Variants in PRDM7 observed in about 807,000 individuals in gnomAD.
The protein encoded by PRDM7 is PR/SET domain 7.
Under a neutral mutation model 64.3 loss-of-function variants are expected in PRDM7, and 52 were observed. The observed-to-expected ratio is 0.81, with a 90% CI of 0.65 to 1.02. The LOEUF (loss-of-function observed/expected upper bound fraction) is 1.02, where lower values mean the gene tolerates loss of function less well. PRDM7 is among the 50% of genes least tolerant of loss of function. The pLI is 0.00. For missense variants in PRDM7, 574 were observed against 597.1 expected, an observed-to-expected ratio of 0.96 and a Z score of 0.40; for synonymous variants, 192 against 210.1, an observed-to-expected ratio of 0.91 and a Z score of 0.74.
chr16:90,063,249 C>T (rs540685472), intron 6 of PRDM7, among the ~76,000 whole-genome samples: 15 of 152,172 alleles, frequency 9.9e-5, no homozygotes, highest in African/African-American at 2.9e-4. Flanking sequence ...AGTTTGAGAC[C>T]GGCCTGGTCA....
chr16:90,069,870 A>G (rs7200083), intron 4 of PRDM7: 122,889 of 151,366 alleles, frequency 0.81, 50,845 homozygotes, highest in Middle Eastern at 0.94. Flanking sequence ...CCTGGCCAAC[A>G]TGGTGAAACC....
At chr16:90,059,421 T>A (rs1366423027) in intron 10 of PRDM7, among the ~76,000 whole-genome samples, 1 of 152,264 alleles carries the variant, frequency 6.6e-6, no homozygotes, top group East Asian at 1.9e-4. Context: ...CTCCCCACCT[T>A]CATCCTGCCC....
chr16:90,066,454 A>G (rs554893192), intron 5 of PRDM7, among the ~76,000 whole-genome samples: 2 of 151,364 alleles, frequency 1.3e-5, no homozygotes, highest in South Asian at 4.1e-4. Flanking sequence ...ATGATCTTGT[A>G]AGTGCTTTAG....
In PRDM7 at chr16:90,075,085, G is replaced by A. The variant is rs1285734580; in HGVS notation, c.194-62C>T. The A allele has an allele frequency of 6.4e-7, 1 of 1,568,834 alleles. No individual in the cohort carries two copies. Among genetic ancestry groups the A allele is most frequent in the African/African-American group, 1.4e-5 (1 of 73,954 alleles). ...GAGCTGGGATGAGGAACAAAGGGCA[G>A]TGGCAATGGAAAGCACCACAAAGCC... On this transcript the variant is annotated intron_variant, in intron 3 of 10. Coordinates refer to ENST00000449207, the MANE Select transcript of PRDM7 (RefSeq NM_001098173.2). The surrounding 1 kb of genome is among the most constrained non-coding windows in gnomAD (Gnocchi z 4.3).
At position 90,063,730 on chromosome 16, in the gene PRDM7, C is replaced by G; in HGVS notation, c.390G>C (p.Leu130Phe). ...AATTTGGCGTTCCTGACAATTCTCT[C>G]AAACTAGATTCATTATTGAATGACG... Reference protein sequence around the residue: ...PKASFNNESSLRELSGTPNLL... With the variant: ...PKASFNNESSFRELSGTPNLL... Residue 130 changes from leucine to phenylalanine, a missense_variant, in exon 6 of 11, where the codon TTG becomes TTC. Coordinates refer to ENST00000449207, the MANE Select transcript of PRDM7 (RefSeq NM_001098173.2). 1 of 1,614,198 alleles carries G rather than the reference C, an allele frequency of 6.2e-7. No homozygotes were observed.
Position 90,075,508 on chromosome 16 carries a change from C to G in PRDM7, c.70-34G>C. ...AGTAACAGATTCCATCAGTGATTTA[C>G]TAATACACATCGAGCTGGTCCTTTT... On this transcript the variant is annotated intron_variant, in intron 2 of 10. Coordinates refer to ENST00000449207, the MANE Select transcript of PRDM7 (RefSeq NM_001098173.2). The surrounding 1 kb of genome is among the most constrained non-coding windows in gnomAD (Gnocchi z 4.3). 1 of 1,614,186 alleles carries G rather than the reference C, an allele frequency of 6.2e-7. No homozygotes were observed. Among genetic ancestry groups the G allele is most frequent in the Non-Finnish European group, 8.5e-7 (1 of 1,180,010 alleles).
At position 90,057,738 on chromosome 16, in the gene PRDM7, A is replaced by C; in HGVS notation, c.*551T>G. 2 of 1,265,462 alleles carry C rather than the reference A, an allele frequency of 1.6e-6. No homozygotes were observed. Among genetic ancestry groups the C allele is most frequent in the Non-Finnish European group, 2.0e-6 (2 of 976,830 alleles). 78.4% of individuals were successfully genotyped at this position (1,265,462 alleles called of 1,614,324 possible). ...CTCTCGGGGAATGTAAGGGGTTAGC[A>C]GACTTTCGCTGAAGCCACCTCAGAG... is the stretch of plus-strand genomic sequence containing the variant. On this transcript the variant is annotated 3_prime_UTR_variant, in exon 11 of 11. Coordinates refer to ENST00000449207, the MANE Select transcript of PRDM7 (RefSeq NM_001098173.2).
In PRDM7 at chr16:90,067,454, T is replaced by C. The variant is rs1030261845; in HGVS notation, c.302-544A>G. ...AACTTCATCTTTGTTTCAGCCTATC[T>C]GTAAAGGTATACCTAATAAGGTGTT... On this transcript the variant is annotated intron_variant, in intron 4 of 10. Coordinates refer to ENST00000449207, the MANE Select transcript of PRDM7 (RefSeq NM_001098173.2). 7.3e-5 allele frequency among the ~76,000 whole-genome samples: 11 copies of C among 151,246 alleles called. 1 individual carries two copies. The highest frequency in any genetic ancestry group is 7.2e-4 in the Admixed American group (11 of 15,228).
chr16:90,066,715 AAAT>A, intron 5 of PRDM7, 143 bp downstream of exon 5: 2 of 683,034 alleles, frequency 2.9e-6, no homozygotes, highest in South Asian at 1.7e-5. Flanking sequence ...TTAACTCTTA[AAAT>A]AATGATGATG....
rs769161365 is a variant in PRDM7, at chr16:90,066,854, T to C, written c.351+7A>G. ...TTTCTTGTCAACAGGATTTGGGAGA[T>C]ACTTACCTTCTGGTGTTTACTCTGT... On this transcript the variant is annotated splice_region_variant and intron_variant, in intron 5 of 10. Transcript: ENST00000449207. 4.5e-5 allele frequency: 71 copies of C among 1,581,744 alleles called. 1 individual carries two copies. Among genetic ancestry groups the C allele is most frequent in the Non-Finnish European group, 6.2e-5 (71 of 1,153,082 alleles).
At chr16:90,065,284 T>G (rs1264402521) in intron 5 of PRDM7, among the ~76,000 whole-genome samples, 1 of 145,532 alleles carries the variant, frequency 6.9e-6, no homozygotes, top group Non-Finnish European at 1.5e-5. Context: ...TCCCAGCTAC[T>G]CGGGAGGCTG....
chr16:90,059,667 CCAGGTCTCACACTGACCT>C (rs557031938), intron 10 of PRDM7, among the ~76,000 whole-genome samples: 333 of 152,296 alleles, frequency 2.2e-3, no homozygotes, highest in African/African-American at 7.0e-3. Flanking sequence ...ACACTGACCC[CCAGGTCTCACACTGACCT>C]CAGGTCTCAC....
At chr16:90,069,548 ACAAT>A (rs1261432597) in intron 4 of PRDM7, among the ~76,000 whole-genome samples, 4 of 151,294 alleles carry the variant, frequency 2.6e-5, no homozygotes, top group Non-Finnish European at 4.4e-5. Flanking sequence ...AGCAAAGAAA[ACAAT>A]CAACACAGTG....
intron 4 of PRDM7, 148 bp from the exon 5 acceptor site, chr16:90,067,058 G>A (rs2037886354): frequency 1.2e-5 from 8 of 666,576 alleles, no homozygotes; most frequent in Middle Eastern, 3.8e-4. Flanking sequence ...TCCGCCTCCC[G>A]GATTCAAGCA....
intron 10 of PRDM7, among the ~76,000 whole-genome samples, chr16:90,058,743 G>T (rs2037721034): frequency 6.6e-6 from 1 of 152,036 alleles, no homozygotes; most frequent in South Asian, 2.1e-4. Context: ...CCCACATCTT[G>T]GGCCTTTTCT....
intron 4 of PRDM7, among the ~76,000 whole-genome samples, chr16:90,071,807 C>T (rs1597692252): frequency 6.6e-6 from 1 of 152,174 alleles, no homozygotes. Context: ...GGTGCAGACA[C>T]TGTAAAAAAA....
At chr16:90,070,055 GAAA>G in intron 4 of PRDM7, 1 of 143,786 alleles carries the variant, frequency 7.0e-6, no homozygotes. Flanking sequence ...AACTCTGTCT[GAAA>G]AAAAAAAACA....
At chr16:90,070,715 A>G (rs1474444172) in intron 4 of PRDM7, among the ~76,000 whole-genome samples, 2 of 143,836 alleles carry the variant, frequency 1.4e-5, no homozygotes, top group Admixed American at 1.4e-4. Context: ...AGTCAGGAAG[A>G]GAGCCCTCAC....
chr16:90,073,452 T>C (rs1183932029), intron 4 of PRDM7, among the ~76,000 whole-genome samples: 1 of 151,038 alleles, frequency 6.6e-6, no homozygotes, highest in African/African-American at 2.4e-5. Context: ...CAGGCCGGAG[T>C]GCAGTGGTGC....
Sources: gnomAD v4.1 joint callset for allele counts (sites outside exome capture counted in the v4.1 genomes callset) on GRCh38, gnomAD v4.1.1 for gene constraint, Gnocchi (gnomAD v3.1) non-coding constraint, MANE v1.5 for transcripts, NCBI Gene and HGNC (gene_info 2026-07-23, HGNC 2026-07-21) for gene names.